NKX6-3: variants seen among roughly 807,000 people sequenced by gnomAD.
NKX6-3 encodes the protein homeobox protein Nkx-6.3.
In NKX6-3, 17 loss-of-function variants were observed where a neutral mutation model predicts 22.0. The observed-to-expected ratio is 0.77, with a 90% CI of 0.53 to 1.16. NKX6-3 has a LOEUF of 1.16. NKX6-3 is among the 50% of genes most tolerant of loss of function. NKX6-3 has a pLI of 0.00. For missense variants in NKX6-3, 363 were observed against 359.0 expected (o/e 1.01, Z -0.09); for synonymous variants, 177 against 167.2 (o/e 1.06, Z -0.45).
In NKX6-3 at chr8:41,646,146, C is replaced by G. The variant is rs541964349; in HGVS notation, c.*303G>C. 7.9e-4 allele frequency: 401 copies of G among 506,622 alleles called. 1 individual carries two copies. The highest frequency in any genetic ancestry group is 7.7e-3 in the African/African-American group (384 of 50,036). 31.4% of individuals were successfully genotyped at this position (506,622 alleles called of 1,614,324 possible). A position where few individuals can be genotyped will look rare whatever the true frequency, so the allele number is the denominator to read the frequency against. On this transcript the variant is annotated 3_prime_UTR_variant, in exon 3 of 3. Transcript: ENST00000518699. ...TCTGTCCACTTGTGAATCTGCAGAACTGGCAGGCGAGGCCCGAGGAGGTGC... is the reference window on the plus strand; with the variant it reads ...TCTGTCCACTTGTGAATCTGCAGAAGTGGCAGGCGAGGCCCGAGGAGGTGC...
In NKX6-3 at chr8:41,650,637, C is replaced by A; in HGVS notation, c.-145G>T. 1 of 859,346 alleles carries A rather than the reference C, an allele frequency of 1.2e-6. No homozygotes were observed. The highest frequency in any genetic ancestry group is 2.7e-5 in the East Asian group (1 of 36,818). 53.2% of individuals were successfully genotyped at this position (859,346 alleles called of 1,614,324 possible). On this transcript the variant is annotated 5_prime_UTR_variant, in exon 1 of 3. Transcript: ENST00000518699. The stretch of plus-strand genomic sequence containing the variant: ...CCTCCCACCTAAGGCATGGGCCAGG[C>A]CCTGGCCCAGGAACCGGCACCCGAT...
chr8:41,649,998 C>T (rs1804283792), intron 1 of NKX6-3, 113 bp downstream of exon 1: 3 of 1,182,176 alleles, frequency 2.5e-6, no homozygotes, highest in Non-Finnish European at 2.3e-6. Context: ...GGGTTAATGG[C>T]GACTGGGGGA....
chr8:41,647,066 C>T (rs1804227341), intron 2 of NKX6-3: 1 of 1,042,844 alleles, frequency 9.6e-7, no homozygotes, highest in Non-Finnish European at 1.4e-6. Flanking sequence ...TTGGAAGGTG[C>T]TTATGAGCAG....
Position 41,646,653 on chromosome 8 carries a change from G to T in NKX6-3, c.594C>A (p.Ser198Arg), listed in dbSNP as rs751111840. The T allele has an allele frequency of 1.9e-6, 3 of 1,546,296 alleles. No individual in the cohort carries two copies. The highest frequency in any genetic ancestry group is 1.2e-5 in the South Asian group (1 of 84,158). The change falls in exon 3 of 3, where the codon AGC (serine) becomes AGA (arginine). Residue 198 changes from serine (S) to arginine (R), a missense_variant. Around this residue, in one of 3 missense-constraint regions of NKX6-3, gnomAD observed 169 missense variants for 155.8 expected, o/e 1.08. Transcript: ENST00000518699. Reference sequence around the variant, plus strand: ...GCGTGGAGGACGAGGGCTCCAGGGCGCTCTTCTTCCGCCACTTGGTCCTGC... The same window carrying T: ...GCGTGGAGGACGAGGGCTCCAGGGCTCTCTTCTTCCGCCACTTGGTCCTGC... ...QNRRTKWRKK[S>R]ALEPSSSTPR...
chr8:41,650,659 C>G lies in NKX6-3; in HGVS notation c.-167G>C, dbSNP rs992094393. On this transcript the variant is annotated 5_prime_UTR_variant, in exon 1 of 3. Transcript: ENST00000518699. The stretch of plus-strand genomic sequence containing the variant: ...AGGCCCTGGCCCAGGAACCGGCACC[C>G]GATCAGCTGCTCGGAAGTCAGGTGC... 6.0e-6 allele frequency: 4 copies of G among 663,450 alleles called. No homozygotes were observed. The highest frequency in any genetic ancestry group is 1.8e-5 in the African/African-American group (1 of 54,658). 41.1% of individuals were successfully genotyped at this position (663,450 alleles called of 1,614,324 possible).
chr8:41,646,488 G>A lies in NKX6-3; in HGVS notation c.759C>T (p.Ala253=), dbSNP rs200127895. 31 of 1,609,074 alleles carry A rather than the reference G, an allele frequency of 1.9e-5. No homozygotes were observed. The Admixed American group carries it at 4.2e-4, about 22-fold the overall frequency. The change falls in exon 3 of 3, where the codon GCC becomes GCT. Residue 253 remains alanine (A), a synonymous_variant. Transcript: ENST00000518699. ...KIRLLLRKHR[A]AFSVLSLGAH... ...CTCCCAGGCTGAGCACCGAGAAGGC[G>A]GCGCGGTGCTTGCGCAGCAGCAGGC...
intron 2 of NKX6-3, chr8:41,647,493 T>C: frequency 6.2e-6 from 5 of 810,926 alleles, no homozygotes; most frequent in Non-Finnish European, 7.5e-6. Flanking sequence ...TGGGAGAGCC[T>C]GGGCTCACCC....
rs1804174586 is a variant in NKX6-3, at chr8:41,645,233, G to A, written c.*1216C>T. 1 of 152,222 alleles carries A rather than the reference G, an allele frequency of 6.6e-6. No homozygotes were observed. The highest frequency in any genetic ancestry group is 1.9e-4 in the East Asian group (1 of 5,194). The allele number at this position is 152,222 out of a possible 1,614,324, so 9.4% of individuals were successfully genotyped here. On this transcript the variant is annotated 3_prime_UTR_variant, in exon 3 of 3. Transcript: ENST00000518699. ...TATTTTTTGAAAGCCAGTGAGGATG[G>A]GCAAGTGCTTGGTCCCTTCTGGGCT...
Position 41,650,386 on chromosome 8 carries a change from T to C in NKX6-3, c.107A>G (p.Tyr36Cys). The C allele has an allele frequency of 6.5e-7, 1 of 1,535,384 alleles. No individual in the cohort carries two copies. Among genetic ancestry groups the C allele is most frequent in the South Asian group, 1.2e-5 (1 of 84,032 alleles). ...VCQYSVQNSF[Y>C]KLSPPGLGPQ... ...GCCCAGCCCTGGGGGGCTGAGCTTG[T>C]AGAAGGAGTTCTGCACAGAGTACTG... Residue 36 changes from tyrosine (Y) to cysteine (C), a missense_variant, in exon 1 of 3, where the codon TAC becomes TGC. This residue lies in a region of NKX6-3 where 175 missense variants were observed against 160.9 expected (regional missense o/e 1.09). Coordinates refer to ENST00000518699, the MANE Select transcript of NKX6-3 (RefSeq NM_001364841.2).
In NKX6-3 at chr8:41,649,547, C is replaced by T. The variant is rs569509521; in HGVS notation, c.382+564G>A. 2.0e-5 allele frequency among the ~76,000 whole-genome samples: 3 copies of T among 152,300 alleles called. No individual in the cohort carries two copies. The East Asian group carries it at 5.8e-4, about 29-fold the overall frequency. On this transcript the variant is annotated intron_variant, in intron 1 of 2. Coordinates refer to ENST00000518699, the MANE Select transcript of NKX6-3 (RefSeq NM_001364841.2). ...GGCCAAGTTCAGCTGGACTCAGCAG[C>T]AACTCCCCGAGACAGGCTACTTGGT...
At chr8:41,649,302 C>T (rs1354075505) in intron 1 of NKX6-3, among the ~76,000 whole-genome samples, 3 of 152,038 alleles carry the variant, frequency 2.0e-5, no homozygotes, top group Non-Finnish European at 2.9e-5. Flanking sequence ...TAGGAGAGCC[C>T]GGAGATCAGA....
In NKX6-3 at chr8:41,650,618, A is replaced by C; in HGVS notation, c.-126T>G. The stretch of plus-strand genomic sequence containing the variant: ...GTCTCCGAGCTCCTGACTGCCTCCC[A>C]CCTAAGGCATGGGCCAGGCCCTGGC... On this transcript the variant is annotated 5_prime_UTR_variant, in exon 1 of 3. Coordinates refer to ENST00000518699, the MANE Select transcript of NKX6-3 (RefSeq NM_001364841.2). 9.2e-6 allele frequency: 9 copies of C among 976,408 alleles called. No individual in the cohort carries two copies. Among genetic ancestry groups the C allele is most frequent in the Non-Finnish European group, 1.3e-5 (9 of 680,542 alleles). 60.5% of individuals were successfully genotyped at this position (976,408 alleles called of 1,614,324 possible). A position where few individuals can be genotyped will look rare whatever the true frequency, so the allele number is the denominator to read the frequency against.
chr8:41,646,819 G>A, intron 2 of NKX6-3, 125 bp from the exon 3 acceptor site: 1 of 1,338,872 alleles, frequency 7.5e-7, no homozygotes, highest in Non-Finnish European at 1.0e-6. Context: ...TCACGTTTCT[G>A]TTGGGGAAGG....
chr8:41,649,986 A>C, intron 1 of NKX6-3, 125 bp downstream of exon 1: 2 of 1,044,070 alleles, frequency 1.9e-6, no homozygotes, highest in Non-Finnish European at 2.7e-6. Context: ...CTACGAGTCC[A>C]GGGGTTAATG....
At chr8:41,646,761 T>A in intron 2 of NKX6-3, 67 bp from the exon 3 acceptor site, 1 of 1,505,272 alleles carries the variant, frequency 6.6e-7, no homozygotes, top group South Asian at 1.3e-5. Flanking sequence ...ACAGCCATCC[T>A]GCTTTTACAG....
At chr8:41,649,584 T>TG (rs1804274448) in intron 1 of NKX6-3, among the ~76,000 whole-genome samples, 1 of 152,116 alleles carries the variant, frequency 6.6e-6, no homozygotes, top group African/African-American at 2.4e-5. Context: ...TGGCTGCTGT[T>TG]GCTAGAAACC....
Position 41,648,109 on chromosome 8 carries a change from G to T in NKX6-3, c.509C>A (p.Ala170Glu). ...CATGCCCAGTGAGTATGCCAGCCGT[G>T]CCCTCTCGGGGCCAGCCAAGTACTT... ...QTKYLAGPER[A>E]RLAYSLGMTE... The change falls in exon 2 of 3, where the codon GCA becomes GAA. Residue 170 changes from alanine (A) to glutamate (E), a missense_variant. Ala to Glu is a moderately radical substitution (Grantham distance 107). Coordinates refer to ENST00000518699, the MANE Select transcript of NKX6-3 (RefSeq NM_001364841.2). 6.5e-7 allele frequency: 1 copy of T among 1,536,768 alleles called. No homozygotes were observed. Among genetic ancestry groups the T allele is most frequent in the South Asian group, 1.2e-5 (1 of 84,054 alleles).
chr8:41,647,241 T>A lies in NKX6-3; in HGVS notation c.553-547A>T. The A allele has an allele frequency of 1.9e-6, 3 of 1,611,768 alleles. No individual in the cohort carries two copies. The African/African-American group carries it at 4.0e-5, about 22-fold the overall frequency. On this transcript the variant is annotated intron_variant, in intron 2 of 2. Coordinates refer to ENST00000518699, the MANE Select transcript of NKX6-3 (RefSeq NM_001364841.2). ...GGAGTGTCTGCTTCTTCCCCCCAGC[T>A]CTCGCCCCAGGGCAGCTGAGCGGCT... is the stretch of plus-strand genomic sequence containing the variant.
chr8:41,648,102 C>T lies in NKX6-3; in HGVS notation c.516G>A (p.Leu172=). The change falls in exon 2 of 3, where the codon CTG becomes CTA. Residue 172 remains leucine (L), a synonymous_variant. Coordinates refer to ENST00000518699, the MANE Select transcript of NKX6-3 (RefSeq NM_001364841.2). ...KYLAGPERAR[L]AYSLGMTESQ... ...ACTCGGTCATGCCCAGTGAGTATGCCAGCCGTGCCCTCTCGGGGCCAGCCA... is the reference window on the plus strand; with the variant it reads ...ACTCGGTCATGCCCAGTGAGTATGCTAGCCGTGCCCTCTCGGGGCCAGCCA... The T allele has an allele frequency of 6.5e-7, 1 of 1,536,370 alleles. No homozygotes were observed. Among genetic ancestry groups the T allele is most frequent in the Non-Finnish European group, 8.7e-7 (1 of 1,146,702 alleles).
Sources: allele counts gnomAD v4.1 joint callset (sites outside exome capture counted in the v4.1 genomes callset), GRCh38; gene constraint gnomAD v4.1.1; regional missense constraint gnomAD v4.1.1; transcripts MANE v1.5; gene names NCBI Gene and HGNC (gene_info 2026-07-23, HGNC 2026-07-21).